Variants in FSBP observed in about 807,000 individuals in gnomAD.
FSBP encodes fibrinogen silencer binding protein.
In FSBP, 18 loss-of-function variants were observed where a neutral mutation model predicts 24.6. The ratio of observed to expected loss-of-function variants is 0.73; its 90% CI spans 0.51 to 1.08. The LOEUF (loss-of-function observed/expected upper bound fraction) is 1.08, where lower values mean the gene tolerates loss of function less well. Among genes scored for constraint, FSBP ranks in the 50% least tolerant of loss-of-function variants. The pLI, the probability that FSBP is intolerant of heterozygous loss-of-function variation, is 0.00. For synonymous variants in FSBP, 110 were observed against 125.8 expected (o/e 0.87, Z 0.84); for missense variants, 305 against 347.6 (o/e 0.88, Z 0.98).
intron 1 of FSBP, 63 bp from the exon 2 acceptor site, chr8:94,432,719 G>C (rs1236600573): frequency 5.8e-6 from 8 of 1,380,984 alleles, no homozygotes; most frequent in African/African-American, 1.5e-5. Context: ...TATATTTATA[G>C]CATAATTTTA....
intron 1 of FSBP, among the ~76,000 whole-genome samples, chr8:94,434,486 G>C (rs1368307469): frequency 6.6e-6 from 1 of 151,752 alleles, no homozygotes; most frequent in Non-Finnish European, 1.5e-5. Flanking sequence ...GTCAATGTGA[G>C]TTACAGAAAA....
In FSBP at chr8:94,428,924, A is replaced by G. The variant is rs1411838609; in HGVS notation, c.*3207T>C. 2.0e-5 allele frequency: 20 copies of G among 984,720 alleles called. No homozygotes were observed. The highest frequency in any genetic ancestry group is 2.4e-5 in the Non-Finnish European group (20 of 829,412). The allele number at this position is 984,720 out of a possible 1,614,324, so 61.0% of individuals were successfully genotyped here. Reference sequence around the variant, plus strand: ...TCTGTAAGATAATAAACAGCCTCGGAAAAGGATTCTATGGTCAAATAAATA... The same window carrying G: ...TCTGTAAGATAATAAACAGCCTCGGGAAAGGATTCTATGGTCAAATAAATA... On this transcript the variant is annotated 3_prime_UTR_variant, in exon 2 of 2. Transcript: ENST00000481490.
Position 94,428,052 on chromosome 8 carries a change from T to A in FSBP, c.*4079A>T, listed in dbSNP as rs1324604917. 1.1e-6 allele frequency: 1 copy of A among 946,836 alleles called. No individual in the cohort carries two copies. The highest frequency in any genetic ancestry group is 1.3e-6 in the Non-Finnish European group (1 of 794,996). The allele number at this position is 946,836 out of a possible 1,614,324, so 58.7% of individuals were successfully genotyped here. A position where few individuals can be genotyped will look rare whatever the true frequency, so the allele number is the denominator to read the frequency against. ...AGTTTCACTGACTTTTCTCAGGATGTCATTATAAATCACAGCTAGTTTAGA... is the reference window on the plus strand; with the variant it reads ...AGTTTCACTGACTTTTCTCAGGATGACATTATAAATCACAGCTAGTTTAGA... On this transcript the variant is annotated 3_prime_UTR_variant, in exon 2 of 2. Coordinates refer to ENST00000481490, the MANE Select transcript of FSBP (RefSeq NM_001256141.2).
rs1053043394 is a variant in FSBP, at chr8:94,431,800, A to G, written c.*331T>C. The G allele has an allele frequency of 9.9e-6, 10 of 1,006,860 alleles. No homozygotes were observed. In the Admixed American group the frequency reaches 1.6e-4, roughly 17 times the overall value. 62.4% of individuals were successfully genotyped at this position (1,006,860 alleles called of 1,614,324 possible). A position where few individuals can be genotyped will look rare whatever the true frequency, so the allele number is the denominator to read the frequency against. On this transcript the variant is annotated 3_prime_UTR_variant, in exon 2 of 2. Coordinates refer to ENST00000481490, the MANE Select transcript of FSBP (RefSeq NM_001256141.2). ...AATTATAGCTTTCAAAGTTCTAACTAAAAATGTTGAAGACTCAGAACTTTG... is the reference window on the plus strand; with the variant it reads ...AATTATAGCTTTCAAAGTTCTAACTGAAAATGTTGAAGACTCAGAACTTTG...
Position 94,436,753 on chromosome 8 carries a change from A to G in FSBP, c.116T>C (p.Ile39Thr). ...ATCCCAACATCTATTCTTTTCTACT[A>G]TTACTGAATGTTTATTAGTGTGTTC... is the stretch of plus-strand genomic sequence containing the variant. ...LEEHTNKHSV[I>T]VEKNRCWDII... The change falls in exon 1 of 2, where the codon ATA becomes ACA. Residue 39 changes from isoleucine (I) to threonine (T), a missense_variant. By Grantham distance (89) the Ile-to-Thr change is moderately conservative (BLOSUM62 -1). Coordinates refer to ENST00000481490, the MANE Select transcript of FSBP (RefSeq NM_001256141.2). 1 of 1,550,582 alleles carries G rather than the reference A, an allele frequency of 6.4e-7. No homozygotes were observed. Among genetic ancestry groups the G allele is most frequent in the Non-Finnish European group, 8.7e-7 (1 of 1,146,954 alleles).
chr8:94,428,997 GT>G lies in FSBP; in HGVS notation c.*3133del. The G allele has an allele frequency of 1.0e-6, 1 of 982,710 alleles. No individual in the cohort carries two copies. The highest frequency in any genetic ancestry group is 1.2e-6 in the Non-Finnish European group (1 of 827,530). 60.9% of individuals were successfully genotyped at this position (982,710 alleles called of 1,614,324 possible). ...CATAAACTATACTATGTTAATCATGGTTATACAAGGGGAGGTAGACAATGAG... is the reference window on the plus strand; with the variant it reads ...CATAAACTATACTATGTTAATCATGGTATACAAGGGGAGGTAGACAATGAG... On this transcript the variant is annotated 3_prime_UTR_variant, in exon 2 of 2. Coordinates refer to ENST00000481490, the MANE Select transcript of FSBP (RefSeq NM_001256141.2).
At chr8:94,433,331 T>C (rs1189985707) in intron 1 of FSBP, among the ~76,000 whole-genome samples, 5 of 152,074 alleles carry the variant, frequency 3.3e-5, no homozygotes, top group African/African-American at 4.8e-5. Context: ...TTTCAATCAC[T>C]GGTCAGGTAA....
intron 1 of FSBP, among the ~76,000 whole-genome samples, chr8:94,433,523 A>T (rs1317547811): frequency 6.6e-6 from 1 of 152,094 alleles, no homozygotes; most frequent in Non-Finnish European, 1.5e-5. Context: ...TTAAATTTAC[A>T]CATAATTTCC....
In FSBP at chr8:94,428,903, T is replaced by G; in HGVS notation, c.*3228A>C. On this transcript the variant is annotated 3_prime_UTR_variant, in exon 2 of 2. Coordinates refer to ENST00000481490, the MANE Select transcript of FSBP (RefSeq NM_001256141.2). The stretch of plus-strand genomic sequence containing the variant: ...TTCCAAATTACCCTAAGATACTCTG[T>G]AAGATAATAAACAGCCTCGGAAAAG... 1 of 985,236 alleles carries G rather than the reference T, an allele frequency of 1.0e-6. No homozygotes were observed. The highest frequency in any genetic ancestry group is 1.2e-6 in the Non-Finnish European group (1 of 829,778). The allele number at this position is 985,236 out of a possible 1,614,324, so 61.0% of individuals were successfully genotyped here.
At chr8:94,436,191 T>C (rs1414549710) in intron 1 of FSBP, among the ~76,000 whole-genome samples, 1 of 152,144 alleles carries the variant, frequency 6.6e-6, no homozygotes, top group Non-Finnish European at 1.5e-5. Context: ...AATAATTTAA[T>C]TTTAAAGCTT....
At position 94,431,879 on chromosome 8, in the gene FSBP, A is replaced by G. The variant is rs1586165566; in HGVS notation, c.*252T>C. The G allele has an allele frequency of 8.6e-7, 1 of 1,162,086 alleles. No homozygotes were observed. The highest frequency in any genetic ancestry group is 4.1e-5 in the East Asian group (1 of 24,176). The allele number at this position is 1,162,086 out of a possible 1,614,324, so 72.0% of individuals were successfully genotyped here. On this transcript the variant is annotated 3_prime_UTR_variant, in exon 2 of 2. Transcript: ENST00000481490. ...TGTATATCTTAGTGATCAGAATAAAATATCTTTTGTAAGGTCAACAATTAA... is the reference window on the plus strand; with the variant it reads ...TGTATATCTTAGTGATCAGAATAAAGTATCTTTTGTAAGGTCAACAATTAA...
Position 94,432,322 on chromosome 8 carries a change from G to T in FSBP, c.709C>A (p.Gln237Lys), listed in dbSNP as rs1667171325. 6.5e-7 allele frequency: 1 copy of T among 1,550,124 alleles called. No individual in the cohort carries two copies. Reference sequence around the variant, plus strand: ...ATCTGATGCTCCTCTTTCAACATTTGCAGGATCTGAGGATCATACCCTAAT... The same window carrying T: ...ATCTGATGCTCCTCTTTCAACATTTTCAGGATCTGAGGATCATACCCTAAT... Reference protein sequence around the residue: ...SLLGYDPQILQMLKEEHQIIL... With the variant: ...SLLGYDPQILKMLKEEHQIIL... Residue 237 changes from glutamine (Q) to lysine (K), a missense_variant, in exon 2 of 2, where the codon CAA becomes AAA. Physicochemically the swap from Gln to Lys is moderately conservative, Grantham distance 53 (BLOSUM62 1). Coordinates refer to ENST00000481490, the MANE Select transcript of FSBP (RefSeq NM_001256141.2).
At chr8:94,432,700 GA>G (rs1033718962) in intron 1 of FSBP, 44 bp from the exon 2 acceptor site, 1 of 1,401,052 alleles carries the variant, frequency 7.1e-7, no homozygotes, top group African/African-American at 1.5e-5. Flanking sequence ...ATCAAATGAA[GA>G]AAAAGTGTAT....
chr8:94,432,864 C>G (rs1289028635), intron 1 of FSBP, among the ~76,000 whole-genome samples: 1 of 152,018 alleles, frequency 6.6e-6, no homozygotes, highest in Non-Finnish European at 1.5e-5. Flanking sequence ...CTCCCCCATC[C>G]TTAACTTTAA....
chr8:94,433,007 T>A (rs1402553930), intron 1 of FSBP, among the ~76,000 whole-genome samples: 1 of 152,106 alleles, frequency 6.6e-6, no homozygotes, highest in Non-Finnish European at 1.5e-5. Context: ...TCAAATGGTG[T>A]ACAGAGCCAT....
chr8:94,435,054 A>G (rs3136408), intron 1 of FSBP, among the ~76,000 whole-genome samples: 14,581 of 152,060 alleles, frequency 0.096, 1,293 homozygotes, highest in African/African-American at 0.22. Flanking sequence ...ATAAAAACCT[A>G]TACCTACTAA....
rs2130091794 is a variant in FSBP, at chr8:94,428,520, T to C, written c.*3611A>G. 4.2e-6 allele frequency: 1 copy of C among 240,916 alleles called. No individual in the cohort carries two copies. The highest frequency in any genetic ancestry group is 6.7e-6 in the Non-Finnish European group (1 of 149,396). 14.9% of individuals were successfully genotyped at this position (240,916 alleles called of 1,614,324 possible). A position where few individuals can be genotyped will look rare whatever the true frequency, so the allele number is the denominator to read the frequency against. On this transcript the variant is annotated 3_prime_UTR_variant, in exon 2 of 2. Transcript: ENST00000481490. ...TCTCTAGATTACTTACAATGGCTAA[T>C]ATAATGTAAATACTATGTAAATAGT...
chr8:94,432,763 C>CCTG, intron 1 of FSBP, 107 bp from the exon 2 acceptor site: 1 of 1,296,500 alleles, frequency 7.7e-7, no homozygotes. Context: ...AGCTTTAAAA[C>CCTG]TATAAAGTTA....
At position 94,428,180 on chromosome 8, in the gene FSBP, A is replaced by T; in HGVS notation, c.*3951T>A. 2.4e-6 allele frequency: 2 copies of T among 840,126 alleles called. No homozygotes were observed. Among genetic ancestry groups the T allele is most frequent in the Non-Finnish European group, 2.9e-6 (2 of 697,726 alleles). The allele number at this position is 840,126 out of a possible 1,614,324, so 52.0% of individuals were successfully genotyped here. On this transcript the variant is annotated 3_prime_UTR_variant, in exon 2 of 2. Coordinates refer to ENST00000481490, the MANE Select transcript of FSBP (RefSeq NM_001256141.2). ...AAATTACTAATATATTGGATGAAAT[A>T]ATCTATATACTTAGTATATTTATCA...
Sources: gnomAD v4.1 joint callset for allele counts (sites outside exome capture counted in the v4.1 genomes callset) on GRCh38, gnomAD v4.1.1 for gene constraint, MANE v1.5 for transcripts, NCBI Gene and HGNC (gene_info 2026-07-23, HGNC 2026-07-21) for gene names.